Variants in EXOC4 observed in about 807,000 individuals in gnomAD.
EXOC4 encodes exocyst complex component 4, also known as SEC8-like 1.
Under a neutral mutation model 107.2 loss-of-function variants are expected in EXOC4, and 71 were observed. That is an observed-to-expected ratio of 0.66 (90% CI 0.55 to 0.81). EXOC4 has a LOEUF of 0.81. Among genes scored for constraint, EXOC4 ranks in the 30% least tolerant of loss-of-function variants. EXOC4 has a pLI of 0.00. For missense variants in EXOC4, 1,108 were observed against 1,189.6 expected (o/e 0.93, Z 1.01); for synonymous variants, 456 against 441.2 (o/e 1.03, Z -0.42).
chr7:133,922,321 C>T (rs894800014), intron 13 of EXOC4, among the ~76,000 whole-genome samples: 3 of 152,084 alleles, frequency 2.0e-5, no homozygotes, highest in Non-Finnish European at 4.4e-5. Flanking sequence ...TAGTTACTGC[C>T]TGCCTCTTCA....
At chr7:133,995,381 C>G (rs149831149) in intron 14 of EXOC4, among the ~76,000 whole-genome samples, 6 of 152,126 alleles carry the variant, frequency 3.9e-5, no homozygotes, top group Non-Finnish European at 8.8e-5. Context: ...CTCATTGATA[C>G]GTAGATAACT....
intron 11 of EXOC4, among the ~76,000 whole-genome samples, chr7:133,864,463 A>G (rs1798596064): frequency 6.6e-6 from 1 of 152,202 alleles, no homozygotes. Flanking sequence ...TTAATTTACA[A>G]AAAGCTGGTA....
intron 10 of EXOC4, among the ~76,000 whole-genome samples, chr7:133,744,456 G>T (rs79245548): frequency 2.0e-5 from 3 of 152,078 alleles, no homozygotes; most frequent in Non-Finnish European, 4.4e-5. Context: ...GCCTCTCTAG[G>T]GGAAGAAGAA....
rs769095130 is a variant in EXOC4, at chr7:133,991,692, C to T, written c.2207-5800C>T. On this transcript the variant is annotated intron_variant, in intron 14 of 17. Coordinates refer to ENST00000253861, the MANE Select transcript of EXOC4 (RefSeq NM_021807.4). ...TACAGATAGCCAGTTTTTCCAGTAC[C>T]ATTTATTAAAGAAACTGCCCTTTCC... Among the ~76,000 whole-genome samples the T allele has an allele frequency of 2.0e-4, 31 of 152,208 alleles. No individual in the cohort carries two copies. In the Middle Eastern group the frequency reaches 0.01, roughly 50 times the overall value.
intron 10 of EXOC4, among the ~76,000 whole-genome samples, chr7:133,661,673 A>AAAAAAC (rs1793683988): frequency 4.9e-5 from 1 of 20,566 alleles, no homozygotes; most frequent in Non-Finnish European, 1.2e-4. Flanking sequence ...CCTTAAAACT[A>AAAAAAC]AAAAAAAAAA....
chr7:133,634,744 A>G (rs1029945081), intron 10 of EXOC4, among the ~76,000 whole-genome samples: 2 of 152,140 alleles, frequency 1.3e-5, no homozygotes, highest in Non-Finnish European at 2.9e-5. Flanking sequence ...GGCCTCCCAA[A>G]ATGCTGAGAT....
intron 4 of EXOC4, among the ~76,000 whole-genome samples, chr7:133,309,259 G>A (rs1478878210): frequency 6.6e-6 from 1 of 152,116 alleles, no homozygotes. Flanking sequence ...AACCAGGTCA[G>A]TTACACAGAA....
intron 10 of EXOC4, among the ~76,000 whole-genome samples, chr7:133,774,219 T>C (rs942455399): frequency 2.6e-5 from 4 of 152,092 alleles, no homozygotes; most frequent in Admixed American, 1.3e-4. Context: ...TCTCTTGTAT[T>C]ATTCTCAGGC....
chr7:133,756,576 T>C (rs1175521696), intron 10 of EXOC4, among the ~76,000 whole-genome samples: 1 of 152,176 alleles, frequency 6.6e-6, no homozygotes. Flanking sequence ...AAGTTTTGAA[T>C]CCTCCTCCAT....
intron 6 of EXOC4, among the ~76,000 whole-genome samples, chr7:133,361,691 A>G (rs1149559): frequency 0.99 from 151,086 of 152,326 alleles, 74,935 homozygotes; most frequent in East Asian, 1. Flanking sequence ...TCTGAGAGGT[A>G]AAAAATGGTA....
intron 11 of EXOC4, among the ~76,000 whole-genome samples, chr7:133,886,642 T>A (rs1297801700): frequency 6.6e-6 from 1 of 152,228 alleles, no homozygotes; most frequent in Non-Finnish European, 1.5e-5. Flanking sequence ...CAAATATCAA[T>A]CATTTATGAT....
intron 6 of EXOC4, among the ~76,000 whole-genome samples, chr7:133,363,025 C>T (rs1345414898): frequency 4.6e-5 from 7 of 152,062 alleles, no homozygotes; most frequent in Admixed American, 2.6e-4. Context: ...GAAGGGCCTC[C>T]GTGTAATTTA....
intron 10 of EXOC4, among the ~76,000 whole-genome samples, chr7:133,777,986 T>A (rs1232068376): frequency 6.6e-6 from 1 of 152,216 alleles, no homozygotes; most frequent in African/African-American, 2.4e-5. Flanking sequence ...AAAGCCTACA[T>A]GTCTAGTAAC....
At chr7:133,910,330 G>C (rs1799663767) in intron 12 of EXOC4, among the ~76,000 whole-genome samples, 1 of 152,138 alleles carries the variant, frequency 6.6e-6, no homozygotes, top group South Asian at 2.1e-4. Context: ...ATGAGAACTT[G>C]TCTATTTAAA....
intron 13 of EXOC4, among the ~76,000 whole-genome samples, chr7:133,920,535 C>T (rs1799915514): frequency 6.6e-6 from 1 of 152,170 alleles, no homozygotes; most frequent in South Asian, 2.1e-4. Context: ...CTTTCAATGA[C>T]ACTGTACCAC....
At chr7:134,002,979 A>G (rs981472573) in intron 15 of EXOC4, among the ~76,000 whole-genome samples, 1 of 152,194 alleles carries the variant, frequency 6.6e-6, no homozygotes, top group Admixed American at 6.5e-5. Flanking sequence ...CCAGGTATTT[A>G]TCCAAGAGAA....
intron 10 of EXOC4, among the ~76,000 whole-genome samples, chr7:133,698,097 T>TA (rs1018216287): frequency 1.3e-4 from 14 of 107,714 alleles, no homozygotes; most frequent in African/African-American, 4.7e-4. Flanking sequence ...GTTATTTCAT[T>TA]AAAAAATGTA....
intron 10 of EXOC4, among the ~76,000 whole-genome samples, chr7:133,707,625 A>AT (rs113230829): frequency 1.5e-3 from 231 of 151,108 alleles, no homozygotes; most frequent in African/African-American, 5.3e-3. Context: ...TTATTTATTT[A>AT]TTTTTTTTGA....
chr7:133,866,429 G>A (rs1483458772), intron 11 of EXOC4, among the ~76,000 whole-genome samples: 1 of 152,132 alleles, frequency 6.6e-6, no homozygotes, highest in Non-Finnish European at 1.5e-5. Flanking sequence ...TAGGGGCACA[G>A]GTGTGCTCTT....
Sources: gnomAD v4.1 joint callset for allele counts (sites outside exome capture counted in the v4.1 genomes callset) on GRCh38, gnomAD v4.1.1 for gene constraint, MANE v1.5 for transcripts, NCBI Gene and HGNC (gene_info 2026-07-23, HGNC 2026-07-21) for gene names.